The following LRRC7 variants were observed in gnomAD, a reference collection of about 807,000 sequenced individuals.
LRRC7 encodes the protein leucine rich repeat containing 7, also known as leucine-rich repeat-containing protein 7.
A neutral mutation model predicts 175.7 loss-of-function variants in LRRC7; 23 were observed. That is an observed-to-expected ratio of 0.13 (90% confidence interval 0.09 to 0.19). The LOEUF is 0.19. Ranked by LOEUF, LRRC7 falls within the 10% of genes least tolerant of loss-of-function variation. The pLI is 1.00. For missense variants in LRRC7, 1,354 were observed against 1,904.7 expected (o/e 0.71, Z 5.38); for synonymous variants, 685 against 680.9 (o/e 1.01, Z -0.09).
At chr1:69,582,300 C>G (rs1450802183) in intron 1 of LRRC7, among the ~76,000 whole-genome samples, 1 of 152,184 alleles carries the variant, frequency 6.6e-6, no homozygotes. Flanking sequence ...CTCAAAATAT[C>G]TCAGTGGCTT....
intron 2 of LRRC7, among the ~76,000 whole-genome samples, chr1:69,717,853 G>GAAAGGAAAGAAAGAAAGAAA (rs1309359434): frequency 6.4e-5 from 1 of 15,628 alleles, no homozygotes; most frequent in African/African-American, 4.1e-4. Flanking sequence ...AAGAAAGAAA[G>GAAAGGAAAGAAAGAAAGAAA]GAAAGAAAGA....
intron 3 of LRRC7, among the ~76,000 whole-genome samples, chr1:69,763,781 A>T (rs966747177): frequency 2.0e-5 from 3 of 152,094 alleles, no homozygotes; most frequent in African/African-American, 7.2e-5. Context: ...AGATTAAATA[A>T]AAATTATTTT....
rs1430657883 is a variant in LRRC7 at position 70,142,615 on chromosome 1, T to C, written c.*20728T>C. 2 of 152,100 alleles carry C rather than the reference T, an allele frequency of 1.3e-5. No homozygotes were observed. Among genetic ancestry groups the C allele is most frequent in the African/African-American group, 4.8e-5 (2 of 41,440 alleles). The allele number at this position is 152,100 out of a possible 1,614,324, so 9.4% of individuals were successfully genotyped here. ...AAGTAAATCTACCAAATTCTGTTTG[T>C]AAATTTTAAAGACCACCACAAAAGA... On this transcript the variant is annotated 3_prime_UTR_variant, in exon 27 of 27. Transcript: ENST00000651989.
At chr1:70,099,814 A>G (rs1486463795) in intron 25 of LRRC7, among the ~76,000 whole-genome samples, 2 of 152,170 alleles carry the variant, frequency 1.3e-5, no homozygotes, top group Non-Finnish European at 2.9e-5. Flanking sequence ...CTCTGACTGG[A>G]TCAGTAAACT....
intron 7 of LRRC7, chr1:69,919,568 T>G: frequency 1.3e-6 from 1 of 799,908 alleles, no homozygotes; most frequent in Non-Finnish European, 2.2e-6. Flanking sequence ...GCCCTCGACC[T>G]GGCGGCAGGA....
chr1:70,005,052 C>T (rs897466704), intron 11 of LRRC7, among the ~76,000 whole-genome samples: 5 of 151,810 alleles, frequency 3.3e-5, no homozygotes, highest in Admixed American at 1.3e-4. Flanking sequence ...TACTCTACCT[C>T]GTAACAGACC....
chr1:69,670,181 T>C (rs1055127607), intron 1 of LRRC7, among the ~76,000 whole-genome samples: 1 of 152,160 alleles, frequency 6.6e-6, no homozygotes, highest in Non-Finnish European at 1.5e-5. Context: ...AGATATTTAT[T>C]GTAGCTGTCA....
chr1:70,087,688 T>C (rs902484786), intron 24 of LRRC7, among the ~76,000 whole-genome samples: 4 of 152,256 alleles, frequency 2.6e-5, no homozygotes, highest in Admixed American at 1.3e-4. Context: ...GGAAAAGTTA[T>C]AATTAAACAT....
intron 2 of LRRC7, among the ~76,000 whole-genome samples, chr1:69,717,971 AAGAGAAAG>A (rs1229894495): frequency 1.4e-4 from 13 of 90,848 alleles, no homozygotes; most frequent in African/African-American, 5.0e-4. Context: ...AAAAGAAAGA[AAGAGAAAG>A]AAAGAGGAGG....
intron 9 of LRRC7, among the ~76,000 whole-genome samples, chr1:69,982,809 A>T (rs999109184): frequency 6.6e-6 from 1 of 152,216 alleles, no homozygotes; most frequent in Non-Finnish European, 1.5e-5. Flanking sequence ...AGACCCCTCT[A>T]TGCCCAGAGA....
At chr1:69,991,344 A>G (rs1226139923) in intron 10 of LRRC7, among the ~76,000 whole-genome samples, 2 of 152,204 alleles carry the variant, frequency 1.3e-5, no homozygotes, top group East Asian at 3.8e-4. Flanking sequence ...AGACTAGGAT[A>G]GGTAGGTGGT....
At chr1:69,729,501 A>C (rs1667332915) in intron 2 of LRRC7, among the ~76,000 whole-genome samples, 1 of 152,186 alleles carries the variant, frequency 6.6e-6, no homozygotes, top group East Asian at 1.9e-4. Flanking sequence ...GGCCCCATGC[A>C]AGTCCAAAAT....
In LRRC7 at chr1:69,805,363, T is replaced by C. The variant is rs1676991192; in HGVS notation, c.421+13203T>C. Among the ~76,000 whole-genome samples, 4 of 151,932 alleles carry C rather than the reference T, an allele frequency of 2.6e-5. No homozygotes were observed. In the South Asian group the frequency reaches 8.3e-4, roughly 32 times the overall value. ...GAGCACATTACTCTTGAGACTCTAGTAGTGTATACATTATAAATTCATAAA... is the reference window on the plus strand; with the variant it reads ...GAGCACATTACTCTTGAGACTCTAGCAGTGTATACATTATAAATTCATAAA... On this transcript the variant is annotated intron_variant, in intron 4 of 26. Transcript: ENST00000651989.
chr1:69,948,774 G>T (rs1167133401), intron 8 of LRRC7, among the ~76,000 whole-genome samples: 1 of 152,098 alleles, frequency 6.6e-6, no homozygotes, highest in East Asian at 1.9e-4. Context: ...GATTCTTAAG[G>T]CCTAAAGCTT....
chr1:69,872,895 A>T (rs1685692242), intron 7 of LRRC7, among the ~76,000 whole-genome samples: 1 of 152,186 alleles, frequency 6.6e-6, no homozygotes, highest in South Asian at 2.1e-4. Context: ...TTTTTCAAAC[A>T]CTATGGAGAT....
At chr1:69,777,126 A>G (rs1425468653) in intron 3 of LRRC7, among the ~76,000 whole-genome samples, 9 of 152,138 alleles carry the variant, frequency 5.9e-5, no homozygotes, top group South Asian at 2.1e-4. Context: ...GTCATCACCA[A>G]TGGAACACTG....
At chr1:69,758,538 G>T (rs1308540908) in intron 2 of LRRC7, among the ~76,000 whole-genome samples, 1 of 151,974 alleles carries the variant, frequency 6.6e-6, no homozygotes, top group Non-Finnish European at 1.5e-5. Context: ...TGGGGCACAT[G>T]TGCAGCATTG....
rs548188759 is a variant in LRRC7 at position 70,011,766 on chromosome 1, A to G, written c.1005-31A>G. The G allele has an allele frequency of 6.1e-6, 9 of 1,475,538 alleles. No individual in the cohort carries two copies. The Admixed American group carries it at 1.3e-4, about 21-fold the overall frequency. 91.4% of individuals were successfully genotyped at this position (1,475,538 alleles called of 1,614,324 possible). The stretch of plus-strand genomic sequence containing the variant: ...AAAACATTTTGCTATCTAACTTTTA[A>G]AATGTCTAACTAATGTATTTAACTT... On this transcript the variant is annotated intron_variant, in intron 11 of 26. Coordinates refer to ENST00000651989, the MANE Select transcript of LRRC7 (RefSeq NM_001370785.2).
chr1:69,685,173 C>A (rs1362914747), intron 2 of LRRC7, among the ~76,000 whole-genome samples: 1 of 152,178 alleles, frequency 6.6e-6, no homozygotes, highest in Non-Finnish European at 1.5e-5. Flanking sequence ...TATAAAAAAT[C>A]AGAACACTAA....
Sources: allele counts gnomAD v4.1 joint callset (sites outside exome capture counted in the v4.1 genomes callset), GRCh38; gene constraint gnomAD v4.1.1; transcripts MANE v1.5; gene names NCBI Gene and HGNC (gene_info 2026-07-23, HGNC 2026-07-21).